The following SSBP2 variants were observed in gnomAD, a reference collection of about 807,000 sequenced individuals.
The protein encoded by SSBP2 is single stranded DNA binding protein 2.
Under a neutral mutation model 61.8 loss-of-function variants are expected in SSBP2, and 17 were observed. The ratio of observed to expected loss-of-function variants is 0.28; its 90% confidence interval spans 0.19 to 0.41. The LOEUF (loss-of-function observed/expected upper bound fraction) is 0.41, where lower values mean the gene tolerates loss of function less well. Ranked by LOEUF, SSBP2 falls within the 10% of genes least tolerant of loss-of-function variation. SSBP2 has a pLI of 1.00. For synonymous variants in SSBP2, 139 were observed against 141.3 expected (o/e 0.98, Z 0.12); for missense variants, 310 against 458.7 (o/e 0.68, Z 2.96).
At chr5:81,570,803 C>T (rs1335203023) in intron 4 of SSBP2, among the ~76,000 whole-genome samples, 1 of 152,178 alleles carries the variant, frequency 6.6e-6, no homozygotes, top group Non-Finnish European at 1.5e-5. Flanking sequence ...GTCATTACCC[C>T]TCCACATGCC....
intron 4 of SSBP2, 83 bp downstream of exon 4, chr5:81,615,390 T>A (rs564111705): frequency 4.0e-6 from 4 of 990,034 alleles, no homozygotes; most frequent in South Asian, 1.3e-5. Context: ...AACAAAAGAA[T>A]AGATGAGCCA....
At position 81,692,944 on chromosome 5, in the gene SSBP2, G is replaced by A. The variant is rs112624217; in HGVS notation, c.63-42605C>T. On this transcript the variant is annotated intron_variant, in intron 1 of 16. Coordinates refer to ENST00000320672, the MANE Select transcript of SSBP2 (RefSeq NM_012446.5). ...GAGGAGGCCAGGTGTGGTGGCTCAC[G>A]CCTGTAATCCCAGCACTTTGGGAGG... Among the ~76,000 whole-genome samples, 737 of 152,140 alleles carry A rather than the reference G, an allele frequency of 4.8e-3. 2 individuals carry two copies. The highest frequency in any genetic ancestry group is 0.016 in the African/African-American group (648 of 41,530).
At chr5:81,636,061 G>A (rs998678243) in intron 3 of SSBP2, among the ~76,000 whole-genome samples, 13 of 152,128 alleles carry the variant, frequency 8.5e-5, no homozygotes, top group African/African-American at 3.1e-4. Flanking sequence ...AGGTTTAGAT[G>A]AGATCATGAA....
rs138545230 is a variant in SSBP2 at position 81,575,128 on chromosome 5, C to T, written c.282+40345G>A. Among the ~76,000 whole-genome samples the T allele has an allele frequency of 8.4e-3, 1,284 of 152,056 alleles. 28 individuals carry two copies. Among genetic ancestry groups the T allele is most frequent in the African/African-American group, 0.03 (1,225 of 41,448 alleles). On this transcript the variant is annotated intron_variant, in intron 4 of 16. Coordinates refer to ENST00000320672, the MANE Select transcript of SSBP2 (RefSeq NM_012446.5). ...ACTAAAAATACAAAAATTAGCTGGG[C>T]GTGGTGGTGCATGCCTGTAGTCCCA... is the stretch of plus-strand genomic sequence containing the variant.
chr5:81,489,192 G>A (rs66563423), intron 6 of SSBP2, 58 bp downstream of exon 6: 338,651 of 1,329,604 alleles, frequency 0.25, 45,979 homozygotes, highest in Non-Finnish European at 0.28. Context: ...ATAAATATAT[G>A]TGACATTTTC....
rs940984768 is a variant in SSBP2 at position 81,522,493 on chromosome 5, A to T, written c.283-8776T>A. On this transcript the variant is annotated intron_variant, in intron 4 of 16. Transcript: ENST00000320672. ...CACACACAAACCCAGTTTTGTCAAT[A>T]GCTAGAAAATATGACCACATATTAA... is the stretch of plus-strand genomic sequence containing the variant. Among the ~76,000 whole-genome samples, 3 of 152,136 alleles carry T rather than the reference A, an allele frequency of 2.0e-5. No individual in the cohort carries two copies. The East Asian group carries it at 5.8e-4, about 29-fold the overall frequency.
At chr5:81,523,707 G>C (rs1561498923) in intron 4 of SSBP2, among the ~76,000 whole-genome samples, 1 of 151,960 alleles carries the variant, frequency 6.6e-6, no homozygotes, top group Non-Finnish European at 1.5e-5. Context: ...ATTTTTACTA[G>C]AGCAATAAAT....
intron 1 of SSBP2, among the ~76,000 whole-genome samples, chr5:81,654,132 T>A (rs1457939727): frequency 6.6e-6 from 1 of 152,014 alleles, no homozygotes; most frequent in Non-Finnish European, 1.5e-5. Flanking sequence ...TCTGACTAAT[T>A]TTTAATTTTT....
intron 3 of SSBP2, among the ~76,000 whole-genome samples, chr5:81,628,949 G>A (rs1581204928): frequency 1.3e-5 from 2 of 151,812 alleles, no homozygotes; most frequent in East Asian, 3.9e-4. Context: ...CTTTTCCCCC[G>A]AGTCTACTAG....
intron 14 of SSBP2, 45 bp from the exon 15 acceptor site, chr5:81,437,503 A>G (rs757594023): frequency 6.6e-7 from 1 of 1,523,080 alleles, no homozygotes; most frequent in South Asian, 1.2e-5. Flanking sequence ...GTAAGATTTC[A>G]TTTATAAATT....
chr5:81,588,275 CCAGA>C (rs1300775147), intron 4 of SSBP2, among the ~76,000 whole-genome samples: 1 of 152,002 alleles, frequency 6.6e-6, no homozygotes, highest in Non-Finnish European at 1.5e-5. Context: ...ATAACATGCA[CCAGA>C]CACTTTATAT....
rs1437877782 is a variant in SSBP2, at chr5:81,570,924, CCTA to C, written c.282+44546_282+44548del. On this transcript the variant is annotated intron_variant, in intron 4 of 16. Coordinates refer to ENST00000320672, the MANE Select transcript of SSBP2 (RefSeq NM_012446.5). ...CTGCCTGAAACTTCTGTCTTTTACT[CCTA>C]CTGCTCTTCCACATTATAGCTCTAA... Among the ~76,000 whole-genome samples the C allele has an allele frequency of 7.2e-5, 11 of 152,250 alleles. 1 individual carries two copies. In the South Asian group the frequency reaches 2.3e-3, roughly 32 times the overall value.
intron 8 of SSBP2, among the ~76,000 whole-genome samples, chr5:81,473,409 C>T (rs1399502043): frequency 6.6e-6 from 1 of 152,132 alleles, no homozygotes; most frequent in Non-Finnish European, 1.5e-5. Context: ...CCTTCCCTTG[C>T]CCTCCACCCT....
chr5:81,599,713 A>G (rs1431157625), intron 4 of SSBP2, among the ~76,000 whole-genome samples: 1 of 152,222 alleles, frequency 6.6e-6, no homozygotes, highest in African/African-American at 2.4e-5. Flanking sequence ...CTGCTTTTTC[A>G]ATAATCATTA....
chr5:81,603,695 A>G (rs1744601624), intron 4 of SSBP2, among the ~76,000 whole-genome samples: 1 of 152,176 alleles, frequency 6.6e-6, no homozygotes, highest in African/African-American at 2.4e-5. Context: ...ATGTACTAAA[A>G]TCATTTATTA....
At chr5:81,560,857 G>C (rs1327159640) in intron 4 of SSBP2, among the ~76,000 whole-genome samples, 1 of 152,044 alleles carries the variant, frequency 6.6e-6, no homozygotes, top group African/African-American at 2.4e-5. Flanking sequence ...ACACATTGTG[G>C]TGAGAAATTT....
chr5:81,608,805 G>A (rs988999426), intron 4 of SSBP2, among the ~76,000 whole-genome samples: 3 of 152,074 alleles, frequency 2.0e-5, no homozygotes, highest in Non-Finnish European at 4.4e-5. Flanking sequence ...TGCAGAAATA[G>A]CTATTTTAAT....
At chr5:81,570,542 T>C (rs897496078) in intron 4 of SSBP2, among the ~76,000 whole-genome samples, 1 of 152,116 alleles carries the variant, frequency 6.6e-6, no homozygotes, top group Admixed American at 6.5e-5. Flanking sequence ...TGACGACCAA[T>C]CAGAGATGCT....
intron 4 of SSBP2, among the ~76,000 whole-genome samples, chr5:81,609,327 T>C (rs773720992): frequency 8.5e-5 from 13 of 152,206 alleles, no homozygotes; most frequent in Non-Finnish European, 1.6e-4. Flanking sequence ...GTTTCTCTGA[T>C]ACACCTTCCC....
Sources: allele counts gnomAD v4.1 joint callset (sites outside exome capture counted in the v4.1 genomes callset), GRCh38; gene constraint gnomAD v4.1.1; transcripts MANE v1.5; gene names NCBI Gene and HGNC (gene_info 2026-07-23, HGNC 2026-07-21).